PTPRT: variants seen among roughly 807,000 people sequenced by gnomAD.
The protein encoded by PTPRT is protein tyrosine phosphatase receptor type T.
A neutral mutation model predicts 176.8 loss-of-function variants in PTPRT; 56 were observed. The ratio of observed to expected loss-of-function variants is 0.32; its 90% CI spans 0.26 to 0.40. The LOEUF (loss-of-function observed/expected upper bound fraction) is 0.40, where lower values mean the gene tolerates loss of function less well. Ranked by LOEUF, PTPRT falls within the 10% of genes least tolerant of loss-of-function variation. The probability of loss-of-function intolerance (pLI) is 1.00; values close to 1 mark genes in which losing one functional copy is unlikely to be tolerated. For missense variants in PTPRT, 1,540 were observed against 1,908.2 expected, an observed-to-expected ratio of 0.81 and a Z score of 3.60; for synonymous variants, 783 against 739.0, an observed-to-expected ratio of 1.06 and a Z score of -0.96.
chr20:42,661,017 A>G (rs545325897), intron 7 of PTPRT, among the ~76,000 whole-genome samples: 1 of 152,136 alleles, frequency 6.6e-6, no homozygotes, highest in Admixed American at 6.5e-5. Flanking sequence ...ACGCCCGTCT[A>G]ATTTTTGCAT....
intron 9 of PTPRT, among the ~76,000 whole-genome samples, chr20:42,372,449 A>G (rs559765853): frequency 6.6e-6 from 1 of 151,788 alleles, no homozygotes; most frequent in East Asian, 1.9e-4. Flanking sequence ...ATGCCTAGCT[A>G]AATTTGTATA....
chr20:42,705,713 A>G (rs958436274), intron 6 of PTPRT, among the ~76,000 whole-genome samples: 7 of 152,108 alleles, frequency 4.6e-5, no homozygotes, highest in African/African-American at 1.7e-4. Flanking sequence ...GTCTCATTTA[A>G]TGCAGTCCTC....
At chr20:43,010,658 T>C (rs1985069342) in intron 1 of PTPRT, among the ~76,000 whole-genome samples, 1 of 151,930 alleles carries the variant, frequency 6.6e-6, no homozygotes, top group Admixed American at 6.6e-5. Flanking sequence ...CATCGCATTA[T>C]CATTGAACTT....
chr20:42,416,919 G>A (rs2059070910), intron 9 of PTPRT, among the ~76,000 whole-genome samples: 1 of 152,140 alleles, frequency 6.6e-6, no homozygotes, highest in Non-Finnish European at 1.5e-5. Context: ...TAAAACAGGT[G>A]GATATGTTGG....
At chr20:42,538,696 C>G (rs904268244) in intron 7 of PTPRT, among the ~76,000 whole-genome samples, 1 of 152,274 alleles carries the variant, frequency 6.6e-6, no homozygotes, top group African/African-American at 2.4e-5. Flanking sequence ...ATACATTCCT[C>G]TTATGCATCG....
At chr20:42,587,916 G>A (rs1263091788) in intron 7 of PTPRT, among the ~76,000 whole-genome samples, 2 of 152,124 alleles carry the variant, frequency 1.3e-5, no homozygotes, top group East Asian at 3.9e-4. Flanking sequence ...CAAATTAGAT[G>A]CCTTCTGAAG....
At chr20:42,389,112 A>G (rs1388513107) in intron 9 of PTPRT, among the ~76,000 whole-genome samples, 1 of 125,482 alleles carries the variant, frequency 8.0e-6, no homozygotes, top group African/African-American at 3.0e-5. Context: ...AACATCACAC[A>G]CTGGGGCCTG....
intron 8 of PTPRT, among the ~76,000 whole-genome samples, chr20:42,458,319 G>A (rs989970104): frequency 1.3e-5 from 2 of 152,134 alleles, no homozygotes; most frequent in African/African-American, 4.8e-5. Flanking sequence ...CAGTATTGTA[G>A]AATTAAACAA....
At position 42,109,431 on chromosome 20, in the gene PTPRT, C is replaced by CAAAG. The variant is rs578025463; in HGVS notation, c.3254+898_3254+901dup. On this transcript the variant is annotated intron_variant, in intron 23 of 30. Coordinates refer to ENST00000373187, the MANE Select transcript of PTPRT (RefSeq NM_007050.6). The stretch of plus-strand genomic sequence containing the variant: ...TACTTCATCTCCATTTGGGAGGATT[C>CAAAG]AAAGACATGCCACTCATTCTCAATG... 8.1e-3 allele frequency among the ~76,000 whole-genome samples: 1,231 copies of CAAAG among 152,270 alleles called. 14 individuals are homozygous for CAAAG. Among genetic ancestry groups the CAAAG allele is most frequent in the African/African-American group, 0.028 (1,168 of 41,556 alleles).
At chr20:42,119,266 C>T (rs1257409043) in intron 20 of PTPRT, among the ~76,000 whole-genome samples, 1 of 152,076 alleles carries the variant, frequency 6.6e-6, no homozygotes, top group Non-Finnish European at 1.5e-5. Flanking sequence ...AAAATTCTTA[C>T]CAAGCGTAAC....
intron 9 of PTPRT, among the ~76,000 whole-genome samples, chr20:42,426,010 G>A (rs1323986223): frequency 6.6e-6 from 1 of 152,114 alleles, no homozygotes; most frequent in Non-Finnish European, 1.5e-5. Flanking sequence ...GAGTCCAGGG[G>A]TACCCAAATG....
intron 1 of PTPRT, among the ~76,000 whole-genome samples, chr20:42,946,062 T>C (rs916673807): frequency 2.0e-5 from 3 of 152,252 alleles, no homozygotes; most frequent in Admixed American, 1.3e-4. Flanking sequence ...GGGATCACTA[T>C]GTCCTTGCAA....
intron 2 of PTPRT, among the ~76,000 whole-genome samples, chr20:42,867,314 T>C (rs981444778): frequency 3.3e-5 from 5 of 152,034 alleles, no homozygotes; most frequent in South Asian, 2.1e-4. Context: ...ACTAGTAGAA[T>C]TGGCATTCCA....
intron 13 of PTPRT, among the ~76,000 whole-genome samples, chr20:42,273,495 G>A (rs34666633): frequency 0.02 from 2,978 of 152,204 alleles, 111 homozygotes; most frequent in African/African-American, 0.068. Context: ...AATTATAGGC[G>A]TGAGCCACCG....
At chr20:42,306,058 G>A (rs1389925057) in intron 12 of PTPRT, among the ~76,000 whole-genome samples, 1 of 152,302 alleles carries the variant, frequency 6.6e-6, no homozygotes, top group African/African-American at 2.4e-5. Context: ...CAACATTTGG[G>A]TAACCTTCAT....
At chr20:42,154,305 CA>C (rs1989258661) in intron 17 of PTPRT, among the ~76,000 whole-genome samples, 1 of 152,274 alleles carries the variant, frequency 6.6e-6, no homozygotes, top group Admixed American at 6.5e-5. Flanking sequence ...AGACACTGCT[CA>C]GGGGGCTCTG....
intron 6 of PTPRT, among the ~76,000 whole-genome samples, chr20:42,713,939 C>T (rs1452102574): frequency 6.6e-6 from 1 of 152,190 alleles, no homozygotes; most frequent in Non-Finnish European, 1.5e-5. Context: ...GATAGCATTA[C>T]GTTTCCTGTA....
chr20:42,114,938 C>T (rs1243344314), intron 22 of PTPRT, among the ~76,000 whole-genome samples: 3 of 152,174 alleles, frequency 2.0e-5, no homozygotes, highest in Non-Finnish European at 4.4e-5. Flanking sequence ...ATTTCTATCT[C>T]CATCCTTTGC....
chr20:42,465,450 T>C lies in PTPRT; in HGVS notation c.1450+6816A>G, dbSNP rs188655650. Among the ~76,000 whole-genome samples the C allele has an allele frequency of 8.5e-5, 13 of 152,246 alleles. No individual in the cohort carries two copies. In the East Asian group the frequency reaches 2.1e-3, roughly 25 times the overall value. On this transcript the variant is annotated intron_variant, in intron 8 of 30. Coordinates refer to ENST00000373187, the MANE Select transcript of PTPRT (RefSeq NM_007050.6). ...GGTTGAATAAATTACAGTATTTCCA[T>C]CAACACAATGAAATACCATAGTGTC...
Sources: allele counts gnomAD v4.1 joint callset (sites outside exome capture counted in the v4.1 genomes callset), GRCh38; gene constraint gnomAD v4.1.1; transcripts MANE v1.5; gene names NCBI Gene and HGNC (gene_info 2026-07-23, HGNC 2026-07-21).